The following CHRNA1 variants were observed in gnomAD, a reference collection of about 807,000 sequenced individuals.
The protein encoded by CHRNA1 is acetylcholine receptor subunit alpha.
A neutral mutation model predicts 47.1 loss-of-function variants in CHRNA1; 35 were observed. That is an observed-to-expected ratio of 0.74 (90% confidence interval 0.57 to 0.99). The LOEUF (loss-of-function observed/expected upper bound fraction) is 0.99, where lower values mean the gene tolerates loss of function less well. Ranked by LOEUF, CHRNA1 falls within the 50% of genes least tolerant of loss-of-function variation. The pLI is 0.00. For synonymous variants in CHRNA1, 229 were observed against 223.6 expected, an observed-to-expected ratio of 1.02 and a Z score of -0.22; for missense variants, 506 against 591.1, an observed-to-expected ratio of 0.86 and a Z score of 1.49.
Position 174,748,252 on chromosome 2 carries a change from C to T in CHRNA1, c.1246G>A (p.Ala416Thr), listed in dbSNP as rs1440745032. 6.2e-7 allele frequency: 1 copy of T among 1,614,128 alleles called. No individual in the cohort carries two copies. The highest frequency in any genetic ancestry group is 8.5e-7 in the Non-Finnish European group (1 of 1,180,042). Residue 416 changes from alanine to threonine, a missense_variant, in exon 9 of 9, where the codon GCG becomes ACG. Transcript: ENST00000348749. Reference sequence around the variant, plus strand: ...ATTGCAACGTACTTCCACTCTGCCGCCGCCTGGGAGAGAGGAAAATGTTAG... The same window carrying T: ...ATTGCAACGTACTTCCACTCTGCCGTCGCCTGGGAGAGAGGAAAATGTTAG... ...MKSDQESNNA[A>T]AEWKYVAMVM... is the part of the protein sequence containing the mutation.
chr2:174,759,417 G>A, intron 2 of CHRNA1, 42 bp from the exon 3 acceptor site: 1 of 1,612,342 alleles, frequency 6.2e-7, no homozygotes, highest in Non-Finnish European at 8.5e-7. Flanking sequence ...GGGAGAGAGG[G>A]GACCCAGGGG....
At chr2:174,749,318 C>A (rs1683800704) in intron 7 of CHRNA1, among the ~76,000 whole-genome samples, 1 of 151,874 alleles carries the variant, frequency 6.6e-6, no homozygotes, top group African/African-American at 2.4e-5. Context: ...TTACTCTCCT[C>A]TTAAAAGAGT....
chr2:174,753,892 A>T, intron 5 of CHRNA1, 152 bp from the exon 6 acceptor site: 2 of 801,798 alleles, frequency 2.5e-6, no homozygotes. Context: ...GGGGTCTTAG[A>T]TGCCTTTCCT....
At chr2:174,754,881 T>TC (rs1336742946) in intron 4 of CHRNA1, among the ~76,000 whole-genome samples, 1 of 141,506 alleles carries the variant, frequency 7.1e-6, no homozygotes, top group Non-Finnish European at 1.5e-5. Flanking sequence ...GGCCTACTAC[T>TC]CTTTTTTTTT....
In CHRNA1 at chr2:174,750,076, A is replaced by G. The variant is rs762993009; in HGVS notation, c.872T>C (p.Val291Ala). 6.2e-7 allele frequency: 1 copy of G among 1,614,088 alleles called. No individual in the cohort carries two copies. Among genetic ancestry groups the G allele is most frequent in the Admixed American group, 1.7e-5 (1 of 60,004 alleles). The change falls in exon 7 of 9, where the codon GTG becomes GCG. Residue 291 changes from valine (V) to alanine (A), a missense_variant. Val to Ala is a moderately conservative substitution (Grantham distance 64). Transcript: ENST00000348749. ...CAGCATGTATTTTCCAATCAAGGGCACAGCACTGGACGTGGAGGGGATCAG... is the reference window on the plus strand; with the variant it reads ...CAGCATGTATTTTCCAATCAAGGGCGCAGCACTGGACGTGGAGGGGATCAG... ...VELIPSTSSA[V>A]PLIGKYMLFT... is the part of the protein sequence containing the mutation.
At chr2:174,753,290 C>A in intron 6 of CHRNA1, 1 of 707,154 alleles carries the variant, frequency 1.4e-6, no homozygotes, top group Non-Finnish European at 2.6e-6. Context: ...TCATGTTCAA[C>A]TCCCTGCCGC....
intron 4 of CHRNA1, among the ~76,000 whole-genome samples, chr2:174,756,708 G>A (rs1269807287): frequency 6.6e-6 from 1 of 152,160 alleles, no homozygotes; most frequent in Admixed American, 6.5e-5. Flanking sequence ...ATTGGATGAC[G>A]TGTGGCAGAA....
At chr2:174,752,460 C>T (rs1257936800) in intron 6 of CHRNA1, among the ~76,000 whole-genome samples, 1 of 152,086 alleles carries the variant, frequency 6.6e-6, no homozygotes, top group African/African-American at 2.4e-5. Context: ...GTCCCAGCTA[C>T]TCAGGAGGCT....
chr2:174,757,287 T>C (rs959051444), intron 4 of CHRNA1, among the ~76,000 whole-genome samples: 1 of 152,076 alleles, frequency 6.6e-6, no homozygotes, highest in African/African-American at 2.4e-5. Flanking sequence ...ATGGCACCCC[T>C]AGCCCGTCAA....
intron 7 of CHRNA1, 30 bp from the exon 8 acceptor site, chr2:174,748,849 A>C (rs774243974): frequency 6.2e-7 from 1 of 1,612,132 alleles, no homozygotes; most frequent in Admixed American, 1.7e-5. Flanking sequence ...CATGCATGAG[A>C]ATTATTGTCC....
chr2:174,751,697 G>A (rs911812256), intron 6 of CHRNA1, among the ~76,000 whole-genome samples: 1 of 65,384 alleles, frequency 1.5e-5, no homozygotes, highest in African/African-American at 6.5e-5. Context: ...TTTTTTTTTT[G>A]TGAGGGAGTC....
intron 4 of CHRNA1, among the ~76,000 whole-genome samples, chr2:174,754,698 A>G (rs911080340): frequency 6.6e-6 from 1 of 152,086 alleles, no homozygotes; most frequent in Admixed American, 6.5e-5. Context: ...AAGAAATAAC[A>G]GGTAACATGG....
At chr2:174,764,030 C>G (rs1380458302) in intron 1 of CHRNA1, among the ~76,000 whole-genome samples, 3 of 152,294 alleles carry the variant, frequency 2.0e-5, no homozygotes, top group Admixed American at 2.0e-4. Flanking sequence ...CCATGATCCA[C>G]AAGTGGTCCA....
rs187498227 is a variant in CHRNA1, at chr2:174,751,462, G to T, written c.779-1293C>A. ...ATATAGAATATGTATGTATGTATACGATAAAGAGTGGAAACAAACAAGAAA... is the reference window on the plus strand; with the variant it reads ...ATATAGAATATGTATGTATGTATACTATAAAGAGTGGAAACAAACAAGAAA... On this transcript the variant is annotated intron_variant, in intron 6 of 8. Coordinates refer to ENST00000348749, the MANE Select transcript of CHRNA1 (RefSeq NM_000079.4). Among the ~76,000 whole-genome samples the T allele has an allele frequency of 1.7e-3, 257 of 152,238 alleles. 2 individuals carry two copies. Among genetic ancestry groups the T allele is most frequent in the African/African-American group, 5.8e-3 (240 of 41,534 alleles).
rs532463469 is a variant in CHRNA1, at chr2:174,764,332, C to T, written c.43+20G>A. The T allele has an allele frequency of 6.2e-7, 1 of 1,611,904 alleles. No individual in the cohort carries two copies. The highest frequency in any genetic ancestry group is 1.3e-5 in the African/African-American group (1 of 74,994). On this transcript the variant is annotated intron_variant, in intron 1 of 8. Coordinates refer to ENST00000348749, the MANE Select transcript of CHRNA1 (RefSeq NM_000079.4). ...GCCTCAAAGGAGAGCCCTCTCCCCA[C>T]CCCTGACCCCAGCACTTACCTGAGC...
At chr2:174,752,601 A>AG (rs1234416636) in intron 6 of CHRNA1, among the ~76,000 whole-genome samples, 3 of 152,170 alleles carry the variant, frequency 2.0e-5, no homozygotes, top group Admixed American at 6.5e-5. Context: ...CCCCAAATGC[A>AG]GTCACTGGAA....
chr2:174,753,345 C>T, intron 6 of CHRNA1, 158 bp downstream of exon 6: 2 of 818,020 alleles, frequency 2.4e-6, no homozygotes, highest in South Asian at 2.7e-5. Flanking sequence ...CAGTGACTCT[C>T]ACCACTGCGC....
intron 4 of CHRNA1, among the ~76,000 whole-genome samples, 180 bp from the exon 5 acceptor site, chr2:174,754,594 TG>T (rs773608879): frequency 4.6e-5 from 7 of 152,152 alleles, no homozygotes; most frequent in Non-Finnish European, 7.4e-5. Context: ...TAAGAATCAC[TG>T]GGGTGCTTGT....
At chr2:174,758,501 C>A (rs1341163351) in intron 3 of CHRNA1, among the ~76,000 whole-genome samples, 2 of 152,172 alleles carry the variant, frequency 1.3e-5, no homozygotes, top group Non-Finnish European at 2.9e-5. Context: ...TTTTTGAGCA[C>A]CAACATGACA....
Sources: allele counts gnomAD v4.1 joint callset (sites outside exome capture counted in the v4.1 genomes callset), GRCh38; gene constraint gnomAD v4.1.1; transcripts MANE v1.5; gene names NCBI Gene and HGNC (gene_info 2026-07-23, HGNC 2026-07-21).